Variants in PAPSS1 observed in about 807,000 individuals in gnomAD.
The protein encoded by PAPSS1 is bifunctional 3'-phosphoadenosine 5'-phosphosulfate synthase 1.
A neutral mutation model predicts 72.0 loss-of-function variants in PAPSS1; 50 were observed. The ratio of observed to expected loss-of-function variants is 0.69; its 90% confidence interval spans 0.55 to 0.88. The LOEUF (loss-of-function observed/expected upper bound fraction) is 0.88. Among genes scored for constraint, PAPSS1 ranks in the 40% least tolerant of loss-of-function variants. The probability of loss-of-function intolerance (pLI) is 0.00; values close to 1 mark genes in which losing one functional copy is unlikely to be tolerated. For missense variants in PAPSS1, 657 were observed against 782.2 expected (o/e 0.84, Z 1.91); for synonymous variants, 261 against 263.6 (o/e 0.99, Z 0.09).
chr4:107,682,866 G>T (rs1194797900), intron 4 of PAPSS1, among the ~76,000 whole-genome samples: 2 of 152,138 alleles, frequency 1.3e-5, no homozygotes. Context: ...TAAGACAAAT[G>T]AACTACTATT....
At chr4:107,650,245 T>G (rs1192758868) in intron 9 of PAPSS1, among the ~76,000 whole-genome samples, 1 of 152,342 alleles carries the variant, frequency 6.6e-6, no homozygotes, top group Admixed American at 6.5e-5. Context: ...AGTAAACTCC[T>G]CGGTCTGTTG....
At chr4:107,628,629 C>T (rs1246935460) in intron 11 of PAPSS1, among the ~76,000 whole-genome samples, 1 of 152,192 alleles carries the variant, frequency 6.6e-6, no homozygotes, top group Non-Finnish European at 1.5e-5. Flanking sequence ...GTTGTATTAT[C>T]TGTTTGCTTG....
chr4:107,705,814 CT>C (rs1723326126), intron 1 of PAPSS1, among the ~76,000 whole-genome samples: 1 of 152,224 alleles, frequency 6.6e-6, no homozygotes, highest in African/African-American at 2.4e-5. Flanking sequence ...TTTATTTCAG[CT>C]TGGAGAACTC....
intron 11 of PAPSS1, among the ~76,000 whole-genome samples, chr4:107,616,579 G>A (rs1398901479): frequency 6.6e-6 from 1 of 152,138 alleles, no homozygotes; most frequent in African/African-American, 2.4e-5. Flanking sequence ...AAATGTATTG[G>A]TTCAATATAG....
At chr4:107,711,553 C>G (rs1723496983) in intron 1 of PAPSS1, among the ~76,000 whole-genome samples, 1 of 152,214 alleles carries the variant, frequency 6.6e-6, no homozygotes, top group Admixed American at 6.5e-5. Flanking sequence ...AAATACTAAG[C>G]ATAATTGTGG....
At chr4:107,700,295 G>A (rs1286943356) in intron 2 of PAPSS1, among the ~76,000 whole-genome samples, 1 of 152,156 alleles carries the variant, frequency 6.6e-6, no homozygotes, top group Non-Finnish European at 1.5e-5. Flanking sequence ...GGGCAATGTG[G>A]CAAAATGTAT....
chr4:107,637,894 T>C (rs1726431932), intron 10 of PAPSS1, among the ~76,000 whole-genome samples: 1 of 152,234 alleles, frequency 6.6e-6, no homozygotes, highest in Non-Finnish European at 1.5e-5. Flanking sequence ...ATGAGTTCCA[T>C]ATTAAAATAT....
chr4:107,638,329 C>A (rs2110307257), intron 10 of PAPSS1, among the ~76,000 whole-genome samples: 1 of 152,260 alleles, frequency 6.6e-6, no homozygotes, highest in South Asian at 2.1e-4. Context: ...ATCATGGAGT[C>A]TGAATTCTTC....
chr4:107,618,494 A>G (rs1252205820), intron 11 of PAPSS1, among the ~76,000 whole-genome samples: 2 of 151,860 alleles, frequency 1.3e-5, no homozygotes, highest in Admixed American at 6.6e-5. Flanking sequence ...CAAGAGAAAC[A>G]TAAGATGGAG....
intron 2 of PAPSS1, among the ~76,000 whole-genome samples, chr4:107,697,008 G>C (rs972892720): frequency 2.8e-4 from 42 of 152,174 alleles, no homozygotes; most frequent in African/African-American, 9.7e-4. Context: ...GATGATGTGT[G>C]ACTACCAAGG....
rs538066944 is a variant in PAPSS1 at position 107,678,092 on chromosome 4, C to T, written c.669+3923G>A. On this transcript the variant is annotated intron_variant, in intron 5 of 11. Transcript: ENST00000265174. Reference sequence around the variant, plus strand: ...AGGAGATACACCTAATGTTAAATGACGAGTTAATGACTGCAGCACACCAAC... The same window carrying T: ...AGGAGATACACCTAATGTTAAATGATGAGTTAATGACTGCAGCACACCAAC... 7.9e-5 allele frequency among the ~76,000 whole-genome samples: 12 copies of T among 151,820 alleles called. No individual in the cohort carries two copies. The East Asian group carries it at 1.5e-3, about 20-fold the overall frequency.
chr4:107,655,483 T>C (rs1388899142), intron 7 of PAPSS1, among the ~76,000 whole-genome samples: 3 of 152,180 alleles, frequency 2.0e-5, no homozygotes, highest in Non-Finnish European at 4.4e-5. Flanking sequence ...AAGACAGTAA[T>C]GACTGTATTT....
intron 11 of PAPSS1, among the ~76,000 whole-genome samples, chr4:107,617,764 A>G (rs1408629697): frequency 1.6e-4 from 24 of 152,232 alleles, no homozygotes; most frequent in Admixed American, 1.6e-3. Flanking sequence ...TTGCTTCAAA[A>G]TAAGATGGTT....
At position 107,653,098 on chromosome 4, in the gene PAPSS1, C is replaced by CAT. The variant is rs200711030; in HGVS notation, c.1237+391_1237+392dup. ...ATACATATATGAATATATATGAATACATATGAATATATATGAATATATACA... is the reference window on the plus strand; with the variant it reads ...ATACATATATGAATATATATGAATACATATATGAATATATATGAATATATACA... On this transcript the variant is annotated intron_variant, in intron 9 of 11. Transcript: ENST00000265174. Among the ~76,000 whole-genome samples the CAT allele has an allele frequency of 4.6e-4, 67 of 144,824 alleles. No individual in the cohort carries two copies. The South Asian group carries it at 8.5e-3, about 18-fold the overall frequency.
intron 9 of PAPSS1, among the ~76,000 whole-genome samples, chr4:107,646,296 T>C (rs1374350015): frequency 1.7e-5 from 2 of 120,908 alleles, no homozygotes; most frequent in Non-Finnish European, 3.3e-5. Flanking sequence ...ACTACAGATA[T>C]ATATATATAT....
Position 107,696,267 on chromosome 4 carries a change from C to T in PAPSS1, c.176-2261G>A, listed in dbSNP as rs142762827. On this transcript the variant is annotated intron_variant, in intron 2 of 11. Transcript: ENST00000265174. ...TAAATCATTCTACTATAAAGATACA[C>T]GCACATGTATGTTTATTGCAGCACT... is the stretch of plus-strand genomic sequence containing the variant. Among the ~76,000 whole-genome samples, 8 of 152,210 alleles carry T rather than the reference C, an allele frequency of 5.3e-5. No homozygotes were observed. The East Asian group carries it at 5.8e-4, about 11-fold the overall frequency.
At chr4:107,702,700 A>G (rs1226085404) in intron 1 of PAPSS1, among the ~76,000 whole-genome samples, 1 of 152,192 alleles carries the variant, frequency 6.6e-6, no homozygotes, top group Admixed American at 6.5e-5. Context: ...TTAAGACTCA[A>G]TAGTATTCCA....
chr4:107,688,807 C>G (rs1722848998), intron 3 of PAPSS1, among the ~76,000 whole-genome samples: 1 of 152,132 alleles, frequency 6.6e-6, no homozygotes, highest in Admixed American at 6.5e-5. Context: ...CACACATGTC[C>G]AAATTCTTCC....
At chr4:107,626,455 A>T (rs1057311071) in intron 11 of PAPSS1, among the ~76,000 whole-genome samples, 3 of 152,224 alleles carry the variant, frequency 2.0e-5, no homozygotes, top group Non-Finnish European at 4.4e-5. Context: ...CTAAAAGTTT[A>T]TTTGCAATTT....
Sources: gnomAD v4.1 joint callset for allele counts (sites outside exome capture counted in the v4.1 genomes callset) on GRCh38, gnomAD v4.1.1 for gene constraint, MANE v1.5 for transcripts, NCBI Gene and HGNC (gene_info 2026-07-23, HGNC 2026-07-21) for gene names.